Variants in ANKRD36 observed in about 807,000 individuals in gnomAD.
ANKRD36 encodes the protein ankyrin repeat domain-containing protein 36A.
In ANKRD36, 179 loss-of-function variants were observed where a neutral mutation model predicts 278.1. The observed-to-expected ratio is 0.64, with a 90% CI of 0.57 to 0.73. The LOEUF (loss-of-function observed/expected upper bound fraction) is 0.73. ANKRD36 is among the 30% of genes least tolerant of loss of function. The pLI, the probability that ANKRD36 is intolerant of heterozygous loss-of-function variation, is 0.00. For synonymous variants in ANKRD36, 320 were observed against 641.1 expected, an observed-to-expected ratio of 0.50 and a Z score of 7.57; for missense variants, 1,159 against 1,956.7, an observed-to-expected ratio of 0.59 and a Z score of 7.69.
At chr2:97,222,116 C>G (rs1312795665) in intron 66 of ANKRD36, among the ~76,000 whole-genome samples, 1 of 152,002 alleles carries the variant, frequency 6.6e-6, no homozygotes, top group African/African-American at 2.4e-5. Context: ...TCTGAGGGCT[C>G]TGTTCTGTTC....
rs757313295 is a variant in ANKRD36, at chr2:97,194,722, T to G, written c.2450-4T>G. Reference sequence around the variant, plus strand: ...AGTGATTATGTATCCCTTTTGCTTTTCAGTGTCTTCTCGGAAAAAACCAGC... The same window carrying G: ...AGTGATTATGTATCCCTTTTGCTTTGCAGTGTCTTCTCGGAAAAAACCAGC... On this transcript the variant is annotated splice_polypyrimidine_tract_variant and splice_region_variant and intron_variant, in intron 38 of 75. Transcript: ENST00000420699. 2.5e-6 allele frequency: 4 copies of G among 1,604,824 alleles called. No homozygotes were observed. The East Asian group carries it at 9.0e-5, about 36-fold the overall frequency.
At chr2:97,173,367 A>C (rs570652066) in intron 22 of ANKRD36, among the ~76,000 whole-genome samples, 2 of 151,766 alleles carry the variant, frequency 1.3e-5, no homozygotes, top group Admixed American at 6.6e-5. Context: ...GAAAGCATAG[A>C]GACAAAATGA....
intron 52 of ANKRD36, among the ~76,000 whole-genome samples, chr2:97,207,081 A>T (rs2063065426): frequency 6.6e-6 from 1 of 151,612 alleles, no homozygotes; most frequent in Admixed American, 6.6e-5. Flanking sequence ...TAGCAGTCTT[A>T]CTTTGTATGT....
At chr2:97,211,178 CAT>C (rs1488627775) in intron 56 of ANKRD36, among the ~76,000 whole-genome samples, 3 of 151,866 alleles carry the variant, frequency 2.0e-5, no homozygotes, top group African/African-American at 7.2e-5. Flanking sequence ...GCATGAAAGA[CAT>C]GTGGGATCCT....
In ANKRD36 at chr2:97,142,981, G is replaced by A. The variant is rs562549135; in HGVS notation, c.901+146G>A. ...CTGCTTTTGTGATAAGTTCTCGGGTGACGCCGATGCTACTGGTCCTTGGCC... is the reference window on the plus strand; with the variant it reads ...CTGCTTTTGTGATAAGTTCTCGGGTAACGCCGATGCTACTGGTCCTTGGCC... On this transcript the variant is annotated intron_variant, in intron 8 of 75. Transcript: ENST00000420699. 163 of 1,127,208 alleles carry A rather than the reference G, an allele frequency of 1.4e-4. No homozygotes were observed. The African/African-American group carries it at 2.4e-3, about 17-fold the overall frequency. The allele number at this position is 1,127,208 out of a possible 1,614,324, so 69.8% of individuals were successfully genotyped here.
At chr2:97,197,133 C>T (rs143635583) in intron 42 of ANKRD36, among the ~76,000 whole-genome samples, 3,500 of 151,850 alleles carry the variant, frequency 0.023, 109 homozygotes, top group African/African-American at 0.079. Context: ...ATTTTACAGA[C>T]CTCACATCAT....
chr2:97,207,762 T>A lies in ANKRD36; in HGVS notation c.3164-49T>A, dbSNP rs1364752246. The A allele has an allele frequency of 7.2e-6, 11 of 1,533,670 alleles. 1 individual carries two copies. The East Asian group carries it at 2.8e-4, about 39-fold the overall frequency. ...TAACACTGTATGAATGTATGGATAA[T>A]TTTGTCATTTTTACACATGAGTGAT... is the stretch of plus-strand genomic sequence containing the variant. On this transcript the variant is annotated intron_variant, in intron 52 of 75. Transcript: ENST00000420699.
intron 28 of ANKRD36, 77 bp from the exon 29 acceptor site, chr2:97,185,239 T>C: frequency 6.5e-7 from 1 of 1,548,520 alleles, no homozygotes; most frequent in South Asian, 1.1e-5. Flanking sequence ...TACAGCTTGA[T>C]GCTAACACTT....
chr2:97,196,447 T>A, intron 40 of ANKRD36, 146 bp from the exon 41 acceptor site: 1 of 1,460,522 alleles, frequency 6.8e-7, no homozygotes. Flanking sequence ...TCTGTCATGT[T>A]CTAGTCCCCA....
chr2:97,133,092 A>T (rs1393197602), intron 6 of ANKRD36, among the ~76,000 whole-genome samples: 8 of 152,058 alleles, frequency 5.3e-5, no homozygotes, highest in East Asian at 1.9e-4. Context: ...TTTAAAATAC[A>T]AATTTCCAAA....
intron 12 of ANKRD36, among the ~76,000 whole-genome samples, chr2:97,149,767 T>C (rs889858271): frequency 6.6e-6 from 1 of 151,774 alleles, no homozygotes; most frequent in African/African-American, 2.4e-5. Flanking sequence ...AGATGACTTA[T>C]CAAAGAAATC....
intron 54 of ANKRD36, 47 bp downstream of exon 54, chr2:97,208,053 A>T: frequency 6.9e-7 from 1 of 1,457,646 alleles, no homozygotes; most frequent in Non-Finnish European, 9.2e-7. Flanking sequence ...CAGATAGATA[A>T]GAAGTTCTCT....
At chr2:97,176,500 A>G (rs2054298876) in intron 22 of ANKRD36, among the ~76,000 whole-genome samples, 1 of 145,284 alleles carries the variant, frequency 6.9e-6, no homozygotes, top group Non-Finnish European at 1.5e-5. Context: ...CCATCCTTTT[A>G]TTTTGAGTCT....
chr2:97,172,044 A>C (rs1040973297), intron 22 of ANKRD36, among the ~76,000 whole-genome samples: 7 of 152,048 alleles, frequency 4.6e-5, no homozygotes, highest in Admixed American at 3.3e-4. Flanking sequence ...ACAGCCTTTT[A>C]AGACGGTGAT....
rs2924029 is a variant in ANKRD36, at chr2:97,174,206, C to T, written c.1634-5532C>T. 3.8e-3 allele frequency among the ~76,000 whole-genome samples: 583 copies of T among 151,788 alleles called. 17 individuals carry two copies. The East Asian group carries it at 0.059, about 15-fold the overall frequency. On this transcript the variant is annotated intron_variant, in intron 22 of 75. Transcript: ENST00000420699. ...GTGGACGAAGAGACAGTGAGAAAGTCGAACTGCTGAATCCAGGAAATGTAA... is the reference window on the plus strand; with the variant it reads ...GTGGACGAAGAGACAGTGAGAAAGTTGAACTGCTGAATCCAGGAAATGTAA...
rs1576379533 is a variant in ANKRD36, at chr2:97,227,612, T to G, written c.3951+2733T>G. ...TTCCTCTTTTCCTAATTGAATACCC[T>G]TTATTTCCTTCTCCTGCCTAATGGC... On this transcript the variant is annotated intron_variant, in intron 67 of 75. Coordinates refer to ENST00000420699, the MANE Select transcript of ANKRD36 (RefSeq NM_001354587.1). Among the ~76,000 whole-genome samples, 4 of 152,238 alleles carry G rather than the reference T, an allele frequency of 2.6e-5. No homozygotes were observed. In the Middle Eastern group the frequency reaches 0.014, roughly 518 times the overall value.
At chr2:97,147,240 T>C (rs1299719813) in intron 11 of ANKRD36, among the ~76,000 whole-genome samples, 2 of 151,966 alleles carry the variant, frequency 1.3e-5, no homozygotes, top group Non-Finnish European at 2.9e-5. Flanking sequence ...GCACCCTGCC[T>C]AGTTTGCTGA....
intron 67 of ANKRD36, among the ~76,000 whole-genome samples, chr2:97,227,940 A>G (rs1337448356): frequency 6.6e-6 from 1 of 152,134 alleles, no homozygotes; most frequent in Non-Finnish European, 1.5e-5. Context: ...GATTACATTT[A>G]TTTATTTGCG....
In ANKRD36 at chr2:97,220,788, T is replaced by A. The variant is rs1488549050; in HGVS notation, c.3877+1542T>A. 2.1e-5 allele frequency among the ~76,000 whole-genome samples: 3 copies of A among 144,836 alleles called. No individual in the cohort carries two copies. The South Asian group carries it at 7.2e-4, about 35-fold the overall frequency. ...TTTTTTTTTTTAATTTTTTTTTTTT[T>A]TATTATACTCTAAGTTTTAGGGTAC... On this transcript the variant is annotated intron_variant, in intron 66 of 75. Coordinates refer to ENST00000420699, the MANE Select transcript of ANKRD36 (RefSeq NM_001354587.1).
Sources: gnomAD v4.1 joint callset for allele counts (sites outside exome capture counted in the v4.1 genomes callset) on GRCh38, gnomAD v4.1.1 for gene constraint, MANE v1.5 for transcripts, NCBI Gene and HGNC (gene_info 2026-07-23, HGNC 2026-07-21) for gene names.